GNG7: variants seen among roughly 807,000 people sequenced by gnomAD.
GNG7 encodes the protein G protein subunit gamma 7, also known as guanine nucleotide-binding protein G(I)/G(S)/G(O) subunit gamma-7.
Under a neutral mutation model 4.0 loss-of-function variants are expected in GNG7, and 1 was observed. The observed-to-expected ratio is 0.25, with a 90% CI of 0.09 to 1.18. GNG7 has a LOEUF of 1.18. GNG7 is among the 50% of genes most tolerant of loss of function. The probability of loss-of-function intolerance (pLI) is 0.50; values close to 1 mark genes in which losing one functional copy is unlikely to be tolerated. For missense variants in GNG7, 86 were observed against 91.9 expected (o/e 0.94, Z 0.26); for synonymous variants, 34 against 36.9 (o/e 0.92, Z 0.29).
chr19:2,607,931 G>T (rs1002879355), intron 2 of GNG7, among the ~76,000 whole-genome samples: 2 of 152,016 alleles, frequency 1.3e-5, no homozygotes, highest in African/African-American at 4.8e-5. Flanking sequence ...CAGCAACAGC[G>T]GTTCCCTCCT....
chr19:2,691,991 G>A (rs1331730267), intron 1 of GNG7, among the ~76,000 whole-genome samples: 17 of 152,212 alleles, frequency 1.1e-4, no homozygotes, highest in Non-Finnish European at 2.2e-4. Flanking sequence ...GCCCCCAGGG[G>A]GTGGGGGAGG....
chr19:2,655,764 G>A (rs1262805527), intron 1 of GNG7, among the ~76,000 whole-genome samples: 10 of 150,482 alleles, frequency 6.6e-5, no homozygotes, highest in East Asian at 1.9e-4. Flanking sequence ...GCGTGAACCC[G>A]GGAGGTGGAG....
chr19:2,557,332 G>C lies in GNG7; in HGVS notation c.-77-2144C>G, dbSNP rs1375811287. On this transcript the variant is annotated intron_variant, in intron 2 of 4. Transcript: ENST00000382159. This position sits in a 1 kb window ranked among gnomAD's most constrained non-coding sequence, Gnocchi z 5.1. ...ACGCACAGACACACATGTGCACACA[G>C]ACACACACATGTGCACACACACAGA... 2.1e-5 allele frequency among the ~76,000 whole-genome samples: 3 copies of C among 140,632 alleles called. No homozygotes were observed. Among genetic ancestry groups the C allele is most frequent in the African/African-American group, 8.0e-5 (3 of 37,430 alleles). The allele number at this position is 140,632 out of a possible 152,430, so 92.3% of individuals were successfully genotyped here.
intron 3 of GNG7, among the ~76,000 whole-genome samples, chr19:2,532,906 C>T (rs886527452): frequency 2.6e-5 from 4 of 152,104 alleles, no homozygotes; most frequent in East Asian, 1.9e-4. Flanking sequence ...TAAGGCTGAA[C>T]ACATACCTCA....
At chr19:2,671,198 C>G (rs548972490) in intron 1 of GNG7, among the ~76,000 whole-genome samples, 50 of 152,150 alleles carry the variant, frequency 3.3e-4, no homozygotes, top group African/African-American at 1.1e-3. Context: ...TTAACTGTGA[C>G]GACCACAAAT....
intron 2 of GNG7, among the ~76,000 whole-genome samples, chr19:2,599,271 G>C (rs1296950125): frequency 6.6e-6 from 1 of 152,048 alleles, no homozygotes; most frequent in Non-Finnish European, 1.5e-5. Context: ...ATGTCTGTCT[G>C]TCTGCTTGAG....
chr19:2,550,751 T>A (rs1979291329), intron 3 of GNG7, among the ~76,000 whole-genome samples: 1 of 152,154 alleles, frequency 6.6e-6, no homozygotes, highest in Admixed American at 6.5e-5. Context: ...AGCCTCAGTT[T>A]CCCCACCTAT....
rs555281820 is a variant in GNG7 at position 2,622,971 on chromosome 19, G to C, written c.-78+23253C>G. 4.7e-4 allele frequency among the ~76,000 whole-genome samples: 72 copies of C among 152,336 alleles called. No individual in the cohort carries two copies. In the Middle Eastern group the frequency reaches 0.01, roughly 22 times the overall value. On this transcript the variant is annotated intron_variant, in intron 2 of 4. Transcript: ENST00000382159. Reference sequence around the variant, plus strand: ...TAGAAAACATTGGTCCTTCTTCCTGGGGGTGTGTGGCCAAGTGAGGGTGGG... The same window carrying C: ...TAGAAAACATTGGTCCTTCTTCCTGCGGGTGTGTGGCCAAGTGAGGGTGGG...
intron 1 of GNG7, among the ~76,000 whole-genome samples, chr19:2,680,466 T>TA (rs1983703717): frequency 6.6e-6 from 1 of 151,952 alleles, no homozygotes; most frequent in Non-Finnish European, 1.5e-5. Context: ...CTCTATTTTT[T>TA]AAAAAATTAA....
Position 2,668,541 on chromosome 19 carries a change from CCCCCGGAACA to C in GNG7, c.-134-22271_-134-22262del, listed in dbSNP as rs1983369755. ...GAGATGGAGGGGCTGCTGGAGGGAG[CCCCCGGAACA>C]CCCGAGGCCAATTTCGGCAGCATGG... On this transcript the variant is annotated intron_variant, in intron 1 of 4. Transcript: ENST00000382159. 2.0e-5 allele frequency among the ~76,000 whole-genome samples: 3 copies of C among 152,094 alleles called. No homozygotes were observed. In the South Asian group the frequency reaches 6.2e-4, roughly 32 times the overall value.
At chr19:2,668,141 T>C (rs1394088075) in intron 1 of GNG7, among the ~76,000 whole-genome samples, 1 of 150,658 alleles carries the variant, frequency 6.6e-6, no homozygotes, top group Non-Finnish European at 1.5e-5. Flanking sequence ...GAAAATTGGG[T>C]GGTGAGGAGA....
In GNG7 at chr19:2,696,131, C is replaced by A. The variant is rs1291335880; in HGVS notation, c.-135+6515G>T. Among the ~76,000 whole-genome samples, 3 of 147,114 alleles carry A rather than the reference C, an allele frequency of 2.0e-5. No homozygotes were observed. In the South Asian group the frequency reaches 6.4e-4, roughly 32 times the overall value. On this transcript the variant is annotated intron_variant, in intron 1 of 4. Coordinates refer to ENST00000382159, the MANE Select transcript of GNG7 (RefSeq NM_052847.3). ...GAGATTGCACCACTGCACTCCAGCC[C>A]GGGAGACAGAGCAAGACTCCGTCAA...
rs544250979 is a variant in GNG7, at chr19:2,677,864, T to A, written c.-135+24782A>T. ...AGGGACGCTGCTCAGCACCCTACAG[T>A]GCCCAGGATGGCCCCACCTCAGAGA... On this transcript the variant is annotated intron_variant, in intron 1 of 4. Transcript: ENST00000382159. Among the ~76,000 whole-genome samples the A allele has an allele frequency of 2.0e-5, 3 of 152,226 alleles. No homozygotes were observed. The South Asian group carries it at 6.2e-4, about 32-fold the overall frequency.
At chr19:2,613,210 T>C (rs1981624525) in intron 2 of GNG7, among the ~76,000 whole-genome samples, 2 of 152,202 alleles carry the variant, frequency 1.3e-5, no homozygotes, top group Admixed American at 6.5e-5. Context: ...GCACAGTCTC[T>C]TGCTGAATTA....
chr19:2,511,966 G>A lies in GNG7; in HGVS notation c.*3056C>T, dbSNP rs79982755. ...TCACAACAGGGTCGGGGCCTGGCCC[G>A]CTGTGGCCCTTCACCTGGCTACTGG... On this transcript the variant is annotated 3_prime_UTR_variant, in exon 5 of 5. Coordinates refer to ENST00000382159, the MANE Select transcript of GNG7 (RefSeq NM_052847.3). The surrounding 1 kb of genome is among the most constrained non-coding windows in gnomAD (Gnocchi z 6.3). The A allele has an allele frequency of 9.4e-4, 926 of 985,912 alleles. 9 individuals carry two copies. The African/African-American group carries it at 0.015, about 16-fold the overall frequency. 61.1% of individuals were successfully genotyped at this position (985,912 alleles called of 1,614,324 possible).
chr19:2,696,758 G>A (rs1189962275), intron 1 of GNG7, among the ~76,000 whole-genome samples: 2 of 152,254 alleles, frequency 1.3e-5, no homozygotes, highest in African/African-American at 4.8e-5. Context: ...GTCTAGGACA[G>A]GCCAGTCCAG....
chr19:2,524,270 A>T (rs1291578860), intron 3 of GNG7, among the ~76,000 whole-genome samples: 2 of 152,190 alleles, frequency 1.3e-5, no homozygotes, highest in African/African-American at 4.8e-5. Context: ...TCCCTGCGAG[A>T]TGCTGCCTTT....
At chr19:2,663,347 C>T (rs113438000) in intron 1 of GNG7, among the ~76,000 whole-genome samples, 3,579 of 151,240 alleles carry the variant, frequency 0.024, 78 homozygotes, top group Admixed American at 0.06. Flanking sequence ...TCTCTCTCTC[C>T]CCCCCCTCCT....
At chr19:2,639,295 G>A (rs1305760977) in intron 2 of GNG7, among the ~76,000 whole-genome samples, 1 of 151,936 alleles carries the variant, frequency 6.6e-6, no homozygotes, top group Non-Finnish European at 1.5e-5. Context: ...ACACGCTCAG[G>A]AAAATATTTG....
Sources: gnomAD v4.1 joint callset for allele counts (sites outside exome capture counted in the v4.1 genomes callset) on GRCh38, gnomAD v4.1.1 for gene constraint, Gnocchi (gnomAD v3.1) non-coding constraint, MANE v1.5 for transcripts, NCBI Gene and HGNC (gene_info 2026-07-23, HGNC 2026-07-21) for gene names.